Variants in SGCD observed in about 807,000 individuals in gnomAD.
SGCD encodes the protein sarcoglycan delta.
SGCD carries 18 observed loss-of-function variants against 36.6 expected under a neutral mutation model. The ratio of observed to expected loss-of-function variants is 0.49; its 90% confidence interval spans 0.34 to 0.73. SGCD has a LOEUF of 0.73. SGCD is among the 30% of genes least tolerant of loss of function. The pLI is 0.01. For synonymous variants in SGCD, 133 were observed against 130.6 expected (o/e 1.02, Z -0.12); for missense variants, 387 against 346.7 (o/e 1.12, Z -0.92).
chr5:156,204,956 A>G (rs1420646852), intron 3 of SGCD, among the ~76,000 whole-genome samples: 1 of 152,134 alleles, frequency 6.6e-6, no homozygotes, highest in Non-Finnish European at 1.5e-5. Context: ...AAATTGTCAC[A>G]GAAGGCACAG....
chr5:155,928,592 C>T (rs969710136), intron 1 of SGCD, among the ~76,000 whole-genome samples: 71 of 145,760 alleles, frequency 4.9e-4, no homozygotes, highest in African/African-American at 1.7e-3. Context: ...GGCTTGAACC[C>T]GGGAGGCGGA....
chr5:156,112,157 A>G (rs551961232), intron 1 of SGCD, among the ~76,000 whole-genome samples: 2 of 152,168 alleles, frequency 1.3e-5, no homozygotes, highest in Admixed American at 6.5e-5. Flanking sequence ...AAATTTCTCA[A>G]CTTGGAACTT....
intron 1 of SGCD, among the ~76,000 whole-genome samples, chr5:155,987,655 A>T (rs1758356626): frequency 6.6e-6 from 1 of 152,182 alleles, no homozygotes; most frequent in Admixed American, 6.5e-5. Context: ...ACTGTCTGCC[A>T]GTTCTCACAG....
chr5:156,049,802 A>G (rs1225055302), intron 1 of SGCD, among the ~76,000 whole-genome samples: 1 of 146,338 alleles, frequency 6.8e-6, no homozygotes, highest in African/African-American at 2.5e-5. Context: ...TCCAGTATTA[A>G]TGAGTGACTT....
At chr5:156,754,267 C>G (rs76345734) in intron 7 of SGCD, among the ~76,000 whole-genome samples, 1,692 of 152,268 alleles carry the variant, frequency 0.011, 29 homozygotes, top group African/African-American at 0.039. Flanking sequence ...TCTGTAAGCT[C>G]CATACTTTTT....
rs1246177751 is a variant in SGCD at position 156,132,507 on chromosome 5, C to T, written c.-44+8488C>T. On this transcript the variant is annotated intron_variant, in intron 3 of 9. Coordinates refer to the SGCD transcript ENST00000517913. ...TTTTTGAGACGGAGTCTCACTCTTT[C>T]GCCCAAGCTGGACTGCAGTGGCGCT... Among the ~76,000 whole-genome samples the T allele has an allele frequency of 5.0e-5, 5 of 99,798 alleles. No homozygotes were observed. The South Asian group carries it at 1.8e-3, about 35-fold the overall frequency. 65.5% of individuals were successfully genotyped at this position (99,798 alleles called of 152,430 possible).
At chr5:156,597,869 T>A (rs1416360158) in intron 6 of SGCD, among the ~76,000 whole-genome samples, 1 of 152,196 alleles carries the variant, frequency 6.6e-6, no homozygotes, top group Non-Finnish European at 1.5e-5. Context: ...TTATCACCCC[T>A]GTTTTACAGT....
At chr5:156,747,047 A>T (rs2113121285) in intron 7 of SGCD, among the ~76,000 whole-genome samples, 1 of 152,194 alleles carries the variant, frequency 6.6e-6, no homozygotes, top group African/African-American at 2.4e-5. Flanking sequence ...GTTGGGGGAG[A>T]GATTTAAATA....
the SGCD span, among the ~76,000 whole-genome samples, chr5:155,828,408 A>G: frequency 6.6e-6 from 1 of 152,206 alleles, no homozygotes; most frequent in African/African-American, 2.4e-5. Flanking sequence ...TCAAGATTCA[A>G]TGAGGAAATG....
intron 3 of SGCD, among the ~76,000 whole-genome samples, chr5:156,271,399 C>A (rs1256175984): frequency 1.3e-5 from 2 of 152,122 alleles, no homozygotes; most frequent in African/African-American, 4.8e-5. Flanking sequence ...TAGTCAAAAT[C>A]ATAATATCTC....
In SGCD at chr5:156,398,040, T is replaced by C. The variant is rs183994898; in HGVS notation, c.192+53363T>C. On this transcript the variant is annotated intron_variant, in intron 3 of 8. Coordinates refer to ENST00000337851, the MANE Select transcript of SGCD (RefSeq NM_000337.6). ...AGTGTTCCAGGGAATTTGAAAGCTG[T>C]CCCTATGGGCTGGATACATCTCCCC... Among the ~76,000 whole-genome samples the C allele has an allele frequency of 2.0e-3, 300 of 152,320 alleles. 1 individual carries two copies. The highest frequency in any genetic ancestry group is 7.0e-3 in the African/African-American group (290 of 41,588).
At chr5:155,804,591 C>T in the SGCD span, among the ~76,000 whole-genome samples, 1 of 152,210 alleles carries the variant, frequency 6.6e-6, no homozygotes, top group Non-Finnish European at 1.5e-5. Flanking sequence ...GGTTGTGCAA[C>T]CATCACATGG....
chr5:156,198,282 T>C (rs185674362), intron 3 of SGCD, among the ~76,000 whole-genome samples: 1 of 152,066 alleles, frequency 6.6e-6, no homozygotes, highest in Non-Finnish European at 1.5e-5. Context: ...AAGTAAAAAC[T>C]TGGCCTTGCA....
intron 3 of SGCD, among the ~76,000 whole-genome samples, chr5:156,306,752 G>C (rs1325969189): frequency 6.6e-6 from 1 of 152,170 alleles, no homozygotes; most frequent in African/African-American, 2.4e-5. Flanking sequence ...ATGCTCTCTT[G>C]TGTGGACAGT....
At chr5:156,398,257 G>A (rs1016697932) in intron 3 of SGCD, among the ~76,000 whole-genome samples, 1 of 152,190 alleles carries the variant, frequency 6.6e-6, no homozygotes, top group Non-Finnish European at 1.5e-5. Flanking sequence ...GTGCAGTTAA[G>A]TTTTACTTGA....
intron 3 of SGCD, among the ~76,000 whole-genome samples, chr5:156,286,701 AT>A (rs1766608051): frequency 1.3e-5 from 2 of 152,248 alleles, no homozygotes; most frequent in African/African-American, 4.8e-5. Context: ...GAGGGATAGC[AT>A]TTGGAGATAT....
chr5:155,780,101 C>T, the SGCD span, among the ~76,000 whole-genome samples: 4 of 152,074 alleles, frequency 2.6e-5, no homozygotes, highest in Non-Finnish European at 4.4e-5. Flanking sequence ...TTGGATGATA[C>T]GTCCATTTTT....
At chr5:156,489,962 A>G (rs2127848196) in intron 3 of SGCD, among the ~76,000 whole-genome samples, 1 of 152,058 alleles carries the variant, frequency 6.6e-6, no homozygotes, top group East Asian at 1.9e-4. Flanking sequence ...AAATGGATAA[A>G]GCACTACCTA....
intron 3 of SGCD, among the ~76,000 whole-genome samples, chr5:156,132,458 CTTTT>C (rs573278623): frequency 3.5e-4 from 18 of 51,770 alleles, no homozygotes; most frequent in African/African-American, 1.3e-3. Context: ...CTTACCAAGT[CTTTT>C]TTTTTTTTTT....
Sources: allele counts gnomAD v4.1 joint callset (sites outside exome capture counted in the v4.1 genomes callset), GRCh38; gene constraint gnomAD v4.1.1; transcripts MANE v1.5; gene names NCBI Gene and HGNC (gene_info 2026-07-23, HGNC 2026-07-21).